Variants in GNG7 observed in about 807,000 individuals in gnomAD.
GNG7 encodes guanine nucleotide-binding protein G(I)/G(S)/G(O) subunit gamma-7.
Under a neutral mutation model 4.0 loss-of-function variants are expected in GNG7, and 1 was observed. The ratio of observed to expected loss-of-function variants is 0.25; its 90% confidence interval spans 0.09 to 1.18. The LOEUF (loss-of-function observed/expected upper bound fraction) is 1.18. GNG7 is among the 50% of genes most tolerant of loss of function. The pLI, the probability that GNG7 is intolerant of heterozygous loss-of-function variation, is 0.50. For missense variants in GNG7, 86 were observed against 91.9 expected, an observed-to-expected ratio of 0.94 and a Z score of 0.26; for synonymous variants, 34 against 36.9, an observed-to-expected ratio of 0.92 and a Z score of 0.29.
intron 2 of GNG7, among the ~76,000 whole-genome samples, chr19:2,571,601 T>A (rs1451896864): frequency 7.3e-6 from 1 of 137,206 alleles, no homozygotes; most frequent in Non-Finnish European, 1.6e-5. Context: ...TTTTTTTTTT[T>A]TTTTTTTTTT....
In GNG7 at chr19:2,666,298, G is replaced by A. The variant is rs374206184; in HGVS notation, c.-134-20018C>T. The stretch of plus-strand genomic sequence containing the variant: ...AGGGATTCTCCTGCCTCAGCCTCCC[G>A]AGTAGCTGGGATTACAGGCACCTGC... On this transcript the variant is annotated intron_variant, in intron 1 of 4. Transcript: ENST00000382159. 1.6e-4 allele frequency among the ~76,000 whole-genome samples: 25 copies of A among 151,834 alleles called. 1 individual carries two copies. Among genetic ancestry groups the A allele is most frequent in the Admixed American group, 7.2e-4 (11 of 15,246 alleles).
intron 1 of GNG7, among the ~76,000 whole-genome samples, chr19:2,684,825 C>T (rs1235749948): frequency 1.3e-5 from 2 of 150,198 alleles, no homozygotes; most frequent in Non-Finnish European, 3.0e-5. Flanking sequence ...CTCGTCTCTA[C>T]TAAAAATACA....
chr19:2,661,909 AG>A (rs5826779), intron 1 of GNG7, among the ~76,000 whole-genome samples: 23,254 of 151,976 alleles, frequency 0.15, 2,034 homozygotes, highest in East Asian at 0.37. Flanking sequence ...CTAACTCCTG[AG>A]TGAGGGTGGA....
chr19:2,615,100 T>C (rs1409505518), intron 2 of GNG7, among the ~76,000 whole-genome samples: 2 of 151,974 alleles, frequency 1.3e-5, no homozygotes, highest in Non-Finnish European at 2.9e-5. Flanking sequence ...ATAGCCCCGC[T>C]TTCTAGGCCA....
In GNG7 at chr19:2,618,901, A is replaced by T. The variant is rs188323817; in HGVS notation, c.-78+27323T>A. ...CCATTGTGACCCCATCCAGGAGCCC[A>T]TGTGGCATCTGACCGTCCCATCTCC... On this transcript the variant is annotated intron_variant, in intron 2 of 4. Coordinates refer to ENST00000382159, the MANE Select transcript of GNG7 (RefSeq NM_052847.3). This position sits in a 1 kb window ranked among gnomAD's most constrained non-coding sequence, Gnocchi z 5.1. 2.3e-3 allele frequency among the ~76,000 whole-genome samples: 350 copies of T among 152,100 alleles called. No individual in the cohort carries two copies. The highest frequency in any genetic ancestry group is 4.0e-3 in the Non-Finnish European group (270 of 67,972).
rs576844852 is a variant in GNG7, at chr19:2,622,985, A to G, written c.-78+23239T>C. Reference sequence around the variant, plus strand: ...CCTTCTTCCTGGGGGTGTGTGGCCAAGTGAGGGTGGGTGAGGGAGAAGCCA... The same window carrying G: ...CCTTCTTCCTGGGGGTGTGTGGCCAGGTGAGGGTGGGTGAGGGAGAAGCCA... On this transcript the variant is annotated intron_variant, in intron 2 of 4. Transcript: ENST00000382159. Among the ~76,000 whole-genome samples, 296 of 152,304 alleles carry G rather than the reference A, an allele frequency of 1.9e-3. 1 individual carries two copies. Among genetic ancestry groups the G allele is most frequent in the Non-Finnish European group, 2.9e-3 (198 of 68,022 alleles).
At chr19:2,536,812 C>A (rs1031503686) in intron 3 of GNG7, among the ~76,000 whole-genome samples, 3 of 152,090 alleles carry the variant, frequency 2.0e-5, no homozygotes, top group African/African-American at 7.2e-5. Flanking sequence ...AGAGGCTGGG[C>A]CACCCTGGGT....
Position 2,514,758 on chromosome 19 carries a change from T to C in GNG7, c.*264A>G, listed in dbSNP as rs1204001095. 1.3e-5 allele frequency: 4 copies of C among 299,432 alleles called. No homozygotes were observed. The highest frequency in any genetic ancestry group is 2.5e-5 in the Non-Finnish European group (4 of 159,240). The allele number at this position is 299,432 out of a possible 1,614,324, so 18.5% of individuals were successfully genotyped here. The stretch of plus-strand genomic sequence containing the variant: ...ACGGGAAGTGGCCGTAAAGCCTCCA[T>C]CCCTTTTGGCCCAAACTGAGAGGGC... On this transcript the variant is annotated 3_prime_UTR_variant, in exon 5 of 5. Transcript: ENST00000382159.
intron 2 of GNG7, among the ~76,000 whole-genome samples, chr19:2,641,553 G>A (rs1599436887): frequency 6.6e-6 from 1 of 152,152 alleles, no homozygotes; most frequent in South Asian, 2.1e-4. Flanking sequence ...TAGACGCTGG[G>A]AAATGCGGGA....
chr19:2,541,453 G>A (rs1283220304), intron 3 of GNG7, among the ~76,000 whole-genome samples: 1 of 151,122 alleles, frequency 6.6e-6, no homozygotes, highest in Non-Finnish European at 1.5e-5. Context: ...AAAAAATCAA[G>A]GCCGGGGGCA....
intron 2 of GNG7, among the ~76,000 whole-genome samples, chr19:2,620,820 C>A (rs924087063): frequency 2.6e-5 from 4 of 152,120 alleles, no homozygotes; most frequent in African/African-American, 4.8e-5. Context: ...TGGCTCCGGG[C>A]AACAGAGCAA....
intron 3 of GNG7, among the ~76,000 whole-genome samples, chr19:2,527,061 G>T (rs1978428002): frequency 1.3e-5 from 2 of 152,030 alleles, no homozygotes; most frequent in Non-Finnish European, 2.9e-5. Context: ...GGTCAGGCTG[G>T]TCTCAAACTC....
chr19:2,691,566 AT>A (rs1913136104), intron 1 of GNG7, among the ~76,000 whole-genome samples: 1 of 151,716 alleles, frequency 6.6e-6, no homozygotes, highest in South Asian at 2.1e-4. Context: ...AATTAAAAAA[AT>A]AATAATAAAA....
chr19:2,657,356 AAAAAAAT>A (rs1983013193), intron 1 of GNG7, among the ~76,000 whole-genome samples: 1 of 22,676 alleles, frequency 4.4e-5, no homozygotes, highest in African/African-American at 1.2e-4. Context: ...AAAAAAAAAA[AAAAAAAT>A]ATATATATAT....
chr19:2,548,398 G>A (rs62121714), intron 3 of GNG7, among the ~76,000 whole-genome samples: 20,313 of 145,872 alleles, frequency 0.14, 1,489 homozygotes, highest in South Asian at 0.21. Flanking sequence ...GGAGAATGCC[G>A]TGAACTCGGG....
chr19:2,553,806 A>AATAT (rs578229458), intron 3 of GNG7, among the ~76,000 whole-genome samples: 6 of 121,652 alleles, frequency 4.9e-5, no homozygotes, highest in Non-Finnish European at 9.8e-5. Flanking sequence ...TATCATGTGT[A>AATAT]ATATATCACA....
At chr19:2,559,583 C>T (rs897253244) in intron 2 of GNG7, among the ~76,000 whole-genome samples, 2 of 151,922 alleles carry the variant, frequency 1.3e-5, no homozygotes, top group Non-Finnish European at 2.9e-5. Flanking sequence ...TGGTGGATGT[C>T]GGCTCACTGC....
intron 2 of GNG7, among the ~76,000 whole-genome samples, chr19:2,598,513 T>C (rs28493604): frequency 0.68 from 99,972 of 147,740 alleles, 34,196 homozygotes; most frequent in Non-Finnish European, 0.76. Context: ...AAAAATTAGC[T>C]GGGTGTGGTG....
intron 3 of GNG7, chr19:2,538,291 A>G (rs2144744023): frequency 2.2e-6 from 1 of 456,452 alleles, no homozygotes; most frequent in South Asian, 1.5e-5. Context: ...GACCAGGTCA[A>G]TTTTAGAGAG....
Sources: allele counts gnomAD v4.1 joint callset (sites outside exome capture counted in the v4.1 genomes callset), GRCh38; gene constraint gnomAD v4.1.1; non-coding constraint Gnocchi (gnomAD v3.1); transcripts MANE v1.5; gene names NCBI Gene and HGNC (gene_info 2026-07-23, HGNC 2026-07-21).